Variants in HDAC9 observed in about 807,000 individuals in gnomAD.
HDAC9 encodes histone deacetylase 9.
Under a neutral mutation model 139.4 loss-of-function variants are expected in HDAC9, and 41 were observed. The observed-to-expected ratio is 0.29, with a 90% CI of 0.23 to 0.38. The LOEUF is 0.38. Ranked by LOEUF, HDAC9 falls within the 10% of genes least tolerant of loss-of-function variation. The pLI is 1.00. For missense variants in HDAC9, 1,147 were observed against 1,297.0 expected (o/e 0.88, Z 1.78); for synonymous variants, 517 against 476.2 (o/e 1.09, Z -1.12).
intron 1 of HDAC9, chr7:18,395,141 A>G (rs1263428164): frequency 6.6e-6 from 1 of 152,122 alleles, no homozygotes; most frequent in South Asian, 2.1e-4. Flanking sequence ...GCTGTGGTGT[A>G]TGGAGACAGT....
chr7:18,354,544 G>A (rs1234609930), intron 1 of HDAC9, among the ~76,000 whole-genome samples: 1 of 152,088 alleles, frequency 6.6e-6, no homozygotes. Flanking sequence ...TAATTATAGT[G>A]GTTTGATTCT....
At chr7:18,459,090 AAGCAGGTTACC>A (rs760183470) in intron 1 of HDAC9, among the ~76,000 whole-genome samples, 4 of 152,210 alleles carry the variant, frequency 2.6e-5, no homozygotes, top group East Asian at 1.9e-4. Context: ...TGAGTCAGAG[AAGCAGGTTACC>A]AGCAGGTTAC....
intron 1 of HDAC9, among the ~76,000 whole-genome samples, chr7:18,365,099 G>A (rs1192052495): frequency 1.3e-5 from 2 of 152,070 alleles, no homozygotes; most frequent in South Asian, 2.1e-4. Context: ...TCATAGACTA[G>A]TGCAAAGATG....
chr7:18,334,268 T>G (rs1781424257), intron 1 of HDAC9, among the ~76,000 whole-genome samples: 2 of 151,344 alleles, frequency 1.3e-5, no homozygotes, highest in African/African-American at 4.8e-5. Context: ...GGCAAAAGTG[T>G]AAGTATAAAG....
intron 2 of HDAC9, among the ~76,000 whole-genome samples, chr7:18,164,145 T>C (rs1490739251): frequency 6.6e-6 from 1 of 152,176 alleles, no homozygotes; most frequent in Non-Finnish European, 1.5e-5. Context: ...TCAACTCCAT[T>C]TGGGAAGTTT....
At chr7:18,142,683 T>G (rs1382902956) in intron 1 of HDAC9, among the ~76,000 whole-genome samples, 2 of 152,242 alleles carry the variant, frequency 1.3e-5, no homozygotes, top group African/African-American at 4.8e-5. Flanking sequence ...CTAATGACTT[T>G]GCAGCTTGCC....
At chr7:18,502,773 C>G (rs1280490440) in intron 2 of HDAC9, 3 of 152,156 alleles carry the variant, frequency 2.0e-5, no homozygotes, top group African/African-American at 7.2e-5. Context: ...AACTGGATCT[C>G]TCTAAGCTAT....
chr7:18,732,754 CACACGTGTATGTGTGCGTATGTGT>C (rs1786285887), intron 13 of HDAC9, among the ~76,000 whole-genome samples: 1 of 105,610 alleles, frequency 9.5e-6, no homozygotes, highest in Admixed American at 8.4e-5. Context: ...TATGTGTACA[CACACGTGTATGTGTGCGTATGTGT>C]ACACACACGT....
intron 17 of HDAC9, among the ~76,000 whole-genome samples, chr7:18,819,530 C>T (rs1253438989): frequency 1.3e-5 from 2 of 151,798 alleles, no homozygotes; most frequent in Non-Finnish European, 2.9e-5. Context: ...TGCATATAGA[C>T]TATGCCATAG....
chr7:18,266,097 T>G (rs1337647740), intron 2 of HDAC9, among the ~76,000 whole-genome samples: 1 of 152,136 alleles, frequency 6.6e-6, no homozygotes. Context: ...CACTGGTCAT[T>G]TGGAAAAAAT....
chr7:18,478,751 A>G (rs375923685), intron 1 of HDAC9, among the ~76,000 whole-genome samples: 2 of 152,312 alleles, frequency 1.3e-5, no homozygotes, highest in East Asian at 1.9e-4. Flanking sequence ...AACTTTCACT[A>G]TCAATGTATC....
At chr7:18,146,525 A>G (rs1481082530) in intron 1 of HDAC9, among the ~76,000 whole-genome samples, 8 of 152,168 alleles carry the variant, frequency 5.3e-5, no homozygotes, top group African/African-American at 1.7e-4. Flanking sequence ...GTACCACCCA[A>G]AACTACTTAA....
At chr7:18,111,370 G>T (rs1783609742) in intron 1 of HDAC9, among the ~76,000 whole-genome samples, 6 of 152,156 alleles carry the variant, frequency 3.9e-5, no homozygotes, top group Admixed American at 3.9e-4. Flanking sequence ...GGCAGAAAAG[G>T]AGGCCTAGGT....
intron 22 of HDAC9, among the ~76,000 whole-genome samples, chr7:18,888,886 A>G (rs1205204681): frequency 1.3e-5 from 2 of 152,194 alleles, no homozygotes; most frequent in African/African-American, 2.4e-5. Context: ...ATATATAACA[A>G]TAGAGTCTAT....
chr7:18,434,364 A>G (rs556909582), intron 1 of HDAC9, among the ~76,000 whole-genome samples: 1 of 152,256 alleles, frequency 6.6e-6, no homozygotes, highest in East Asian at 1.9e-4. Context: ...CATGACAGAG[A>G]TGTCGAAAGC....
At chr7:18,368,214 G>A (rs554638237) in intron 1 of HDAC9, among the ~76,000 whole-genome samples, 1 of 151,640 alleles carries the variant, frequency 6.6e-6, no homozygotes, top group East Asian at 1.9e-4. Context: ...TTAATGTCTT[G>A]TTTGAAATTT....
At chr7:18,199,754 C>CAAAA (rs59883693) in intron 2 of HDAC9, among the ~76,000 whole-genome samples, 11 of 55,672 alleles carry the variant, frequency 2.0e-4, no homozygotes, top group Admixed American at 6.7e-4. Flanking sequence ...ATGTGTCTAC[C>CAAAA]AAAAAAAAAA....
At chr7:18,288,841 A>G (rs626200), upstream of HDAC9, among the ~76,000 whole-genome samples, 1 of 152,116 alleles carries the variant, frequency 6.6e-6, no homozygotes, top group Non-Finnish European at 1.5e-5. Context: ...ATGCTCCAGG[A>G]TTTCAGAGAG....
At chr7:18,306,118 T>C (rs1798890887) in intron 1 of HDAC9, among the ~76,000 whole-genome samples, 2 of 152,202 alleles carry the variant, frequency 1.3e-5, no homozygotes, top group African/African-American at 4.8e-5. Flanking sequence ...TCAAGTAAGT[T>C]GGTGTGCTAG....
Sources: allele counts gnomAD v4.1 joint callset (sites outside exome capture counted in the v4.1 genomes callset), GRCh38; gene constraint gnomAD v4.1.1; transcripts MANE v1.5; gene names NCBI Gene and HGNC (gene_info 2026-07-23, HGNC 2026-07-21).